Variants in COL21A1 observed in about 807,000 individuals in gnomAD.
The protein encoded by COL21A1 is collagen alpha-1(XXI) chain.
COL21A1 carries 149 observed loss-of-function variants against 137.9 expected under a neutral mutation model. The observed-to-expected ratio is 1.08, with a 90% CI of 0.95 to 1.24. COL21A1 has a LOEUF of 1.24. COL21A1 is among the 50% of genes most tolerant of loss of function. The pLI, the probability that COL21A1 is intolerant of heterozygous loss-of-function variation, is 0.00. For missense variants in COL21A1, 1,167 were observed against 1,158.4 expected, an observed-to-expected ratio of 1.01 and a Z score of -0.11; for synonymous variants, 456 against 391.5, an observed-to-expected ratio of 1.16 and a Z score of -1.95.
chr6:56,205,353 G>A lies in COL21A1; in HGVS notation c.-38-22697C>T, dbSNP rs1424002669. 2.0e-5 allele frequency among the ~76,000 whole-genome samples: 3 copies of A among 152,106 alleles called. No homozygotes were observed. The East Asian group carries it at 5.8e-4, about 29-fold the overall frequency. On this transcript the variant is annotated intron_variant, in intron 1 of 29. Coordinates refer to ENST00000244728, the MANE Select transcript of COL21A1 (RefSeq NM_030820.4). ...CGTGAAGCATAAACAAGTATCAATA[G>A]CCAAATCGATCAAGAGGAAGAAAGG...
chr6:56,078,693 G>A (rs1237434381), intron 17 of COL21A1, among the ~76,000 whole-genome samples: 1 of 151,592 alleles, frequency 6.6e-6, no homozygotes, highest in Non-Finnish European at 1.5e-5. Context: ...TAAACACATA[G>A]TTCTAGTTTT....
chr6:56,233,017 C>T (rs143744879), intron 1 of COL21A1, among the ~76,000 whole-genome samples: 2 of 151,724 alleles, frequency 1.3e-5, no homozygotes, highest in Non-Finnish European at 2.9e-5. Flanking sequence ...GAGGTAGGTG[C>T]CTTTCAGAGA....
chr6:56,214,535 G>A (rs1053844434), intron 1 of COL21A1, among the ~76,000 whole-genome samples: 2 of 151,958 alleles, frequency 1.3e-5, no homozygotes, highest in Non-Finnish European at 1.5e-5. Context: ...AAAGAACAGG[G>A]ACAAGGACTT....
At position 56,238,506 on chromosome 6, in the gene COL21A1, C is replaced by T. The variant is rs572162942; in HGVS notation, c.-39+8881G>A. Among the ~76,000 whole-genome samples the T allele has an allele frequency of 4.0e-5, 6 of 150,692 alleles. No homozygotes were observed. The South Asian group carries it at 8.4e-4, about 21-fold the overall frequency. On this transcript the variant is annotated intron_variant, in intron 1 of 29. Transcript: ENST00000244728. ...ACCACAAACCACTTGCAGTTACAAG[C>T]GAGACCTGAGGATACCCTCAGTCTC... is the stretch of plus-strand genomic sequence containing the variant.
intron 24 of COL21A1, among the ~76,000 whole-genome samples, chr6:56,063,697 C>T (rs1423997628): frequency 6.6e-6 from 1 of 152,020 alleles, no homozygotes; most frequent in Non-Finnish European, 1.5e-5. Flanking sequence ...TACACTCTTC[C>T]CAATGGTCTC....
At chr6:56,287,880 C>T (rs1267799952) in intron 1 of COL21A1, among the ~76,000 whole-genome samples, 1 of 151,852 alleles carries the variant, frequency 6.6e-6, no homozygotes, top group Non-Finnish European at 1.5e-5. Flanking sequence ...AGGATTCAGC[C>T]TATCATTGCT....
chr6:56,217,064 T>G (rs1780529423), intron 1 of COL21A1, among the ~76,000 whole-genome samples: 1 of 152,070 alleles, frequency 6.6e-6, no homozygotes, highest in Non-Finnish European at 1.5e-5. Context: ...TTAAGAAACT[T>G]TTAAGGTGTA....
chr6:56,337,924 G>A (rs1582791487), intron 1 of COL21A1, among the ~76,000 whole-genome samples: 1 of 151,038 alleles, frequency 6.6e-6, no homozygotes, highest in Admixed American at 6.6e-5. Context: ...CACTCAAAGT[G>A]AGGAAGAAAA....
rs187102581 is a variant in COL21A1, at chr6:56,267,579, G to A, written c.-38-84923C>T. On this transcript the variant is annotated intron_variant, in intron 1 of 28. Coordinates refer to the COL21A1 transcript ENST00000370819. ...TCGAGACCAGCCTGGCCAACATGGC[G>A]AAAACCCATCTCTACTAAAAATACA... Among the ~76,000 whole-genome samples the A allele has an allele frequency of 4.4e-3, 665 of 151,950 alleles. 6 individuals are homozygous for A. Among genetic ancestry groups the A allele is most frequent in the African/African-American group, 0.014 (594 of 41,428 alleles).
chr6:56,227,191 G>T (rs1035970868), intron 1 of COL21A1, among the ~76,000 whole-genome samples: 3 of 152,006 alleles, frequency 2.0e-5, no homozygotes, highest in African/African-American at 7.2e-5. Context: ...ATGTTTACCA[G>T]ATGTGAAGTT....
intron 16 of COL21A1, among the ~76,000 whole-genome samples, chr6:56,117,070 CAACAT>C (rs1771999770): frequency 1.3e-5 from 2 of 151,814 alleles, no homozygotes; most frequent in Admixed American, 1.3e-4. Context: ...AAACAAATAA[CAACAT>C]AACAGGAGTA....
chr6:56,361,497 T>A (rs1765963028), intron 1 of COL21A1, among the ~76,000 whole-genome samples: 1 of 152,206 alleles, frequency 6.6e-6, no homozygotes, highest in Non-Finnish European at 1.5e-5. Context: ...TTCAGTGGAC[T>A]ATCAGGTACC....
rs76081417 is a variant in COL21A1 at position 56,346,276 on chromosome 6, T to C, written c.-39+47695A>G. Among the ~76,000 whole-genome samples the C allele has an allele frequency of 4.5e-3, 690 of 152,314 alleles. 7 individuals carry two copies. The highest frequency in any genetic ancestry group is 0.016 in the African/African-American group (667 of 41,570). Reference sequence around the variant, plus strand: ...ATACTCTGACTTCTAATCCTGTACATTGGTTTGTCTATTGACCATAGATTG... The same window carrying C: ...ATACTCTGACTTCTAATCCTGTACACTGGTTTGTCTATTGACCATAGATTG... On this transcript the variant is annotated intron_variant, in intron 1 of 28. Transcript: ENST00000370819.
At chr6:56,321,413 G>T (rs1401817802) in intron 1 of COL21A1, among the ~76,000 whole-genome samples, 1 of 152,146 alleles carries the variant, frequency 6.6e-6, no homozygotes, top group Admixed American at 6.5e-5. Flanking sequence ...ATTGGCATTT[G>T]CCATTTGATA....
At chr6:56,264,610 C>T (rs1057177796) in intron 1 of COL21A1, among the ~76,000 whole-genome samples, 2 of 152,172 alleles carry the variant, frequency 1.3e-5, no homozygotes, top group African/African-American at 4.8e-5. Flanking sequence ...ACCCATTTAA[C>T]TAATTGCCGT....
chr6:56,170,497 G>T (rs1162443553), intron 5 of COL21A1, among the ~76,000 whole-genome samples, 152 bp downstream of exon 5: 3 of 151,818 alleles, frequency 2.0e-5, no homozygotes, highest in African/African-American at 7.2e-5. Context: ...TCCTTTCTTT[G>T]TTAGTTTTCT....
At chr6:56,318,923 AACACAC>A (rs144220844) in intron 1 of COL21A1, among the ~76,000 whole-genome samples, 3 of 148,668 alleles carry the variant, frequency 2.0e-5, no homozygotes, top group African/African-American at 7.4e-5. Context: ...CCTCCCCCCA[AACACAC>A]ACACACACAC....
At chr6:56,278,779 C>A (rs1169640933) in intron 1 of COL21A1, among the ~76,000 whole-genome samples, 1 of 152,194 alleles carries the variant, frequency 6.6e-6, no homozygotes, top group Non-Finnish European at 1.5e-5. Context: ...GTGTTGGAAC[C>A]TCCACATACC....
At chr6:56,318,708 C>T (rs1764799427) in intron 1 of COL21A1, among the ~76,000 whole-genome samples, 1 of 152,096 alleles carries the variant, frequency 6.6e-6, no homozygotes, top group Admixed American at 6.6e-5. Flanking sequence ...CCTTCTCAAG[C>T]ACACCTCTCC....
Sources: allele counts gnomAD v4.1 joint callset (sites outside exome capture counted in the v4.1 genomes callset), GRCh38; gene constraint gnomAD v4.1.1; transcripts MANE v1.5; gene names NCBI Gene and HGNC (gene_info 2026-07-23, HGNC 2026-07-21).